Variants in COL8A1 observed in about 807,000 individuals in gnomAD.
COL8A1 encodes collagen type VIII alpha 1 chain.
A neutral mutation model predicts 42.7 loss-of-function variants in COL8A1; 21 were observed. The observed-to-expected ratio is 0.49, with a 90% CI of 0.35 to 0.71. The LOEUF (loss-of-function observed/expected upper bound fraction) is 0.71, where lower values mean the gene tolerates loss of function less well. COL8A1 is among the 30% of genes least tolerant of loss of function. The pLI is 0.01. For missense variants in COL8A1, 788 were observed against 962.4 expected (o/e 0.82, Z 2.40); for synonymous variants, 367 against 369.1 (o/e 0.99, Z 0.06).
At chr3:99,641,901 A>G (rs12496018) in intron 1 of COL8A1, among the ~76,000 whole-genome samples, 14,700 of 152,208 alleles carry the variant, frequency 0.097, 762 homozygotes, top group African/African-American at 0.11. Context: ...AAAGGAGAGG[A>G]GAGGAGAATT....
chr3:99,747,530 G>A (rs1187102534), intron 2 of COL8A1, among the ~76,000 whole-genome samples: 5 of 152,164 alleles, frequency 3.3e-5, no homozygotes, highest in Admixed American at 2.6e-4. Context: ...AGCCCACTAC[G>A]GAAGGGCTTT....
At chr3:99,770,548 G>C (rs929877979) in intron 2 of COL8A1, among the ~76,000 whole-genome samples, 12 of 152,168 alleles carry the variant, frequency 7.9e-5, no homozygotes, top group African/African-American at 2.9e-4. Context: ...GTAAATGACA[G>C]CCAGTGAATT....
At chr3:99,652,778 G>T (rs1437146321) in intron 1 of COL8A1, among the ~76,000 whole-genome samples, 1 of 152,136 alleles carries the variant, frequency 6.6e-6, no homozygotes, top group Non-Finnish European at 1.5e-5. Context: ...TATAGTTTAT[G>T]ATTTTAAAGG....
At position 99,711,434 on chromosome 3, in the gene COL8A1, C is replaced by T. The variant is rs905205289; in HGVS notation, c.-128-33463C>T. Among the ~76,000 whole-genome samples the T allele has an allele frequency of 2.0e-5, 3 of 152,272 alleles. 1 individual carries two copies. The highest frequency in any genetic ancestry group is 2.0e-4 in the Admixed American group (3 of 15,288). On this transcript the variant is annotated intron_variant, in intron 1 of 3. Coordinates refer to ENST00000652472, the MANE Select transcript of COL8A1 (RefSeq NM_020351.4). The stretch of plus-strand genomic sequence containing the variant: ...AACCCTTTCTTTTCTCTTCTCAAAA[C>T]CCATTCTCGCCTTTCTTTTTCAAAA...
chr3:99,742,017 T>C (rs1940912702), intron 1 of COL8A1, among the ~76,000 whole-genome samples: 1 of 152,254 alleles, frequency 6.6e-6, no homozygotes, highest in Admixed American at 6.5e-5. Flanking sequence ...TATATATGCT[T>C]ATCTATCTTT....
intron 2 of COL8A1, among the ~76,000 whole-genome samples, chr3:99,773,398 A>G (rs1468767001): frequency 6.6e-6 from 1 of 151,988 alleles, no homozygotes; most frequent in Non-Finnish European, 1.5e-5. Flanking sequence ...ACCTATTATC[A>G]CTGCATTTTA....
chr3:99,730,041 C>T (rs561746903), intron 1 of COL8A1, among the ~76,000 whole-genome samples: 99 of 152,228 alleles, frequency 6.5e-4, no homozygotes, highest in African/African-American at 2.3e-3. Flanking sequence ...AAACTTGAAA[C>T]CAAACTCTGG....
At chr3:99,737,777 T>C (rs1940772726) in intron 1 of COL8A1, among the ~76,000 whole-genome samples, 1 of 152,118 alleles carries the variant, frequency 6.6e-6, no homozygotes, top group Admixed American at 6.5e-5. Context: ...TGGCCTGCCT[T>C]GCTAGGTTGG....
At chr3:99,668,515 C>T (rs956923903) in intron 1 of COL8A1, among the ~76,000 whole-genome samples, 3 of 152,160 alleles carry the variant, frequency 2.0e-5, no homozygotes, top group East Asian at 3.9e-4. Context: ...AAGATCAAGT[C>T]ATCTTCTAAA....
At chr3:99,659,067 A>G (rs996456172) in intron 1 of COL8A1, among the ~76,000 whole-genome samples, 5 of 152,206 alleles carry the variant, frequency 3.3e-5, no homozygotes, top group Non-Finnish European at 7.3e-5. Flanking sequence ...GACAAAAACA[A>G]TAGCTAGTTG....
Position 99,798,977 on chromosome 3 carries a change from C to G in COL8A1, c.*2841C>G, listed in dbSNP as rs1182305935. ...CAGAATTCTTCCATGTGAAATGGAC[C>G]AAACTCATATTATTGTTATGTAAAT... is the stretch of plus-strand genomic sequence containing the variant. On this transcript the variant is annotated 3_prime_UTR_variant, in exon 4 of 4. Transcript: ENST00000652472. 4 of 152,212 alleles carry G rather than the reference C, an allele frequency of 2.6e-5. No individual in the cohort carries two copies. The highest frequency in any genetic ancestry group is 1.3e-4 in the Admixed American group (2 of 15,292). 9.4% of individuals were successfully genotyped at this position (152,212 alleles called of 1,614,324 possible). A position where few individuals can be genotyped will look rare whatever the true frequency, so the allele number is the denominator to read the frequency against.
intron 2 of COL8A1, among the ~76,000 whole-genome samples, chr3:99,777,779 T>C (rs1336070703): frequency 6.6e-6 from 1 of 152,188 alleles, no homozygotes; most frequent in Non-Finnish European, 1.5e-5. Context: ...GCTGCCCCAA[T>C]TCTCCCTTTA....
intron 2 of COL8A1, among the ~76,000 whole-genome samples, chr3:99,763,650 A>G (rs1941406074): frequency 6.6e-6 from 1 of 152,086 alleles, no homozygotes; most frequent in African/African-American, 2.4e-5. Context: ...AACTTTCCCT[A>G]AAGTCATGTA....
At chr3:99,639,710 G>A (rs1937467777) in intron 1 of COL8A1, among the ~76,000 whole-genome samples, 1 of 152,200 alleles carries the variant, frequency 6.6e-6, no homozygotes, top group African/African-American at 2.4e-5. Context: ...GGTCCATGAA[G>A]TTTGCCATCA....
chr3:99,760,854 G>T (rs1445451513), intron 2 of COL8A1, among the ~76,000 whole-genome samples: 1 of 152,202 alleles, frequency 6.6e-6, no homozygotes, highest in East Asian at 1.9e-4. Context: ...AGGTATGAAG[G>T]GAATTGGCTG....
At chr3:99,706,467 T>C (rs2107352040) in intron 1 of COL8A1, among the ~76,000 whole-genome samples, 1 of 152,122 alleles carries the variant, frequency 6.6e-6, no homozygotes, top group African/African-American at 2.4e-5. Context: ...GAGGCAGTCA[T>C]TCTCCTAAGA....
At chr3:99,711,111 T>A (rs1463962776) in intron 1 of COL8A1, among the ~76,000 whole-genome samples, 1 of 85,012 alleles carries the variant, frequency 1.2e-5, no homozygotes, top group Admixed American at 1.1e-4. Context: ...CCAAGACTAT[T>A]TTCTAAATTA....
chr3:99,661,643 G>C (rs977384374), intron 1 of COL8A1, among the ~76,000 whole-genome samples: 2 of 152,126 alleles, frequency 1.3e-5, no homozygotes, highest in African/African-American at 4.8e-5. Flanking sequence ...AACTGAAAGC[G>C]AGGTCTCCAA....
intron 1 of COL8A1, among the ~76,000 whole-genome samples, chr3:99,680,814 G>C (rs978297434): frequency 6.6e-6 from 1 of 152,152 alleles, no homozygotes; most frequent in Non-Finnish European, 1.5e-5. Flanking sequence ...GAACAGAACA[G>C]AGCCCTCAGA....
Sources: gnomAD v4.1 joint callset for allele counts (sites outside exome capture counted in the v4.1 genomes callset) on GRCh38, gnomAD v4.1.1 for gene constraint, MANE v1.5 for transcripts, NCBI Gene and HGNC (gene_info 2026-07-23, HGNC 2026-07-21) for gene names.